Variants in CES5A observed in about 807,000 individuals in gnomAD.
The protein encoded by CES5A is carboxylesterase 5.
In CES5A, 67 loss-of-function variants were observed where a neutral mutation model predicts 62.9. That is an observed-to-expected ratio of 1.07 (90% confidence interval 0.88 to 1.31). The LOEUF is 1.31. CES5A is among the 50% of genes most tolerant of loss of function. The probability of loss-of-function intolerance (pLI) is 0.00; values close to 1 mark genes in which losing one functional copy is unlikely to be tolerated. For synonymous variants in CES5A, 296 were observed against 280.8 expected (o/e 1.05, Z -0.54); for missense variants, 748 against 708.5 (o/e 1.06, Z -0.63).
At chr16:55,849,547 AG>A in intron 11 of CES5A, 76 bp downstream of exon 11, 1 of 1,510,176 alleles carries the variant, frequency 6.6e-7, no homozygotes, top group Non-Finnish European at 9.0e-7. Context: ...CCAACCCCGA[AG>A]TCCTCCAGGC....
chr16:55,884,455 C>T (rs1199908093), intron 1 of CES5A, among the ~76,000 whole-genome samples: 1 of 152,190 alleles, frequency 6.6e-6, no homozygotes, highest in African/African-American at 2.4e-5. Context: ...ACTTAAGTGC[C>T]ACTACCCAGC....
chr16:55,856,187 T>C (rs139825340), intron 9 of CES5A, among the ~76,000 whole-genome samples, 190 bp downstream of exon 9: 391 of 152,330 alleles, frequency 2.6e-3, no homozygotes, highest in South Asian at 0.025. Flanking sequence ...CTTTATAAAT[T>C]ACCCAGTCTC....
intron 9 of CES5A, among the ~76,000 whole-genome samples, chr16:55,855,408 T>G (rs1467976296): frequency 6.6e-6 from 1 of 152,248 alleles, no homozygotes; most frequent in Non-Finnish European, 1.5e-5. Context: ...GTGCAGTGAA[T>G]GAATGAATTA....
chr16:55,942,344 C>G (rs540297276), intron 2 of CES5A, among the ~76,000 whole-genome samples: 4 of 152,242 alleles, frequency 2.6e-5, no homozygotes, highest in African/African-American at 9.6e-5. Context: ...TTGTGTATAA[C>G]ACATAAAGAA....
chr16:55,882,276 A>T (rs1029964000), intron 1 of CES5A, among the ~76,000 whole-genome samples: 13 of 152,176 alleles, frequency 8.5e-5, no homozygotes, highest in African/African-American at 2.2e-4. Flanking sequence ...CTCCTAATGG[A>T]AAGTTCTGGA....
chr16:55,854,278 C>T (rs1435102633), intron 9 of CES5A, among the ~76,000 whole-genome samples: 1 of 152,124 alleles, frequency 6.6e-6, no homozygotes, highest in African/African-American at 2.4e-5. Context: ...TTCCATTCCT[C>T]TTGCACTTTC....
At chr16:55,900,641 C>T (rs1400375295) in intron 1 of CES5A, among the ~76,000 whole-genome samples, 1 of 152,140 alleles carries the variant, frequency 6.6e-6, no homozygotes, top group East Asian at 1.9e-4. Context: ...CTTGTCAGGG[C>T]TGAGAAGGCC....
chr16:55,945,962 C>A (rs2034490520), intron 2 of CES5A, among the ~76,000 whole-genome samples: 2 of 152,136 alleles, frequency 1.3e-5, no homozygotes, highest in African/African-American at 4.8e-5. Flanking sequence ...AATTCCCCAC[C>A]CTGCATGGAT....
chr16:55,919,686 T>C (rs1190429217), intron 1 of CES5A, among the ~76,000 whole-genome samples: 1 of 152,236 alleles, frequency 6.6e-6, no homozygotes, highest in Non-Finnish European at 1.5e-5. Context: ...ATCACTACTT[T>C]TAAAAAATCA....
At chr16:55,942,258 G>T (rs2034453270) in intron 2 of CES5A, among the ~76,000 whole-genome samples, 1 of 152,150 alleles carries the variant, frequency 6.6e-6, no homozygotes, top group Non-Finnish European at 1.5e-5. Flanking sequence ...CTTATGAAAA[G>T]ACGTCATTAA....
upstream of CES5A, among the ~76,000 whole-genome samples, chr16:55,875,888 C>T (rs2033686336): frequency 6.6e-6 from 1 of 152,180 alleles, no homozygotes; most frequent in Non-Finnish European, 1.5e-5. Flanking sequence ...AGTCTGTACA[C>T]CACTGCTCAC....
intron 4 of CES5A, among the ~76,000 whole-genome samples, chr16:55,868,936 T>C (rs1353284867): frequency 6.6e-6 from 1 of 152,194 alleles, no homozygotes; most frequent in East Asian, 1.9e-4. Flanking sequence ...GTTGAAATAA[T>C]GCATGGCAAG....
intron 11 of CES5A, 81 bp downstream of exon 11, chr16:55,849,540 ACCC>A: frequency 6.8e-7 from 1 of 1,473,218 alleles, no homozygotes; most frequent in Non-Finnish European, 9.3e-7. Context: ...TTAAATGCCA[ACCC>A]CGAAGTCCTC....
chr16:55,950,292 G>T (rs2034540755), intron 1 of CES5A, among the ~76,000 whole-genome samples: 1 of 152,038 alleles, frequency 6.6e-6, no homozygotes, highest in Non-Finnish European at 1.5e-5. Flanking sequence ...AGACTAAATT[G>T]GACATGAAGA....
intron 1 of CES5A, among the ~76,000 whole-genome samples, chr16:55,909,073 G>C (rs1250190649): frequency 6.6e-6 from 1 of 152,240 alleles, no homozygotes; most frequent in African/African-American, 2.4e-5. Context: ...GGAGAGAAGT[G>C]ATGGGATTTG....
chr16:55,922,860 T>C (rs1394914152), intron 1 of CES5A, among the ~76,000 whole-genome samples: 2 of 151,652 alleles, frequency 1.3e-5, no homozygotes, highest in African/African-American at 2.4e-5. Context: ...TGACATGGAG[T>C]AAAATTAGAA....
chr16:55,941,666 T>A (rs1473933154), intron 2 of CES5A, among the ~76,000 whole-genome samples: 1 of 152,016 alleles, frequency 6.6e-6, no homozygotes, highest in African/African-American at 2.4e-5. Flanking sequence ...CAAAACAATT[T>A]TGAAAAAGGA....
chr16:55,854,746 T>G (rs141141076), intron 9 of CES5A, among the ~76,000 whole-genome samples: 387 of 151,212 alleles, frequency 2.6e-3, no homozygotes, highest in South Asian at 0.024. Flanking sequence ...TGCCCAGGCT[T>G]TTCTTGAACT....
intron 4 of CES5A, among the ~76,000 whole-genome samples, chr16:55,867,793 G>A (rs1398204858): frequency 1.3e-5 from 2 of 152,192 alleles, no homozygotes; most frequent in African/African-American, 2.4e-5. Context: ...GTCTAAAATG[G>A]GGATAATGAT....
Sources: allele counts gnomAD v4.1 joint callset (sites outside exome capture counted in the v4.1 genomes callset), GRCh38; gene constraint gnomAD v4.1.1; transcripts MANE v1.5; gene names NCBI Gene and HGNC (gene_info 2026-07-23, HGNC 2026-07-21).